Variants in TRIO observed in about 807,000 individuals in gnomAD.
The protein encoded by TRIO is triple functional domain protein.
In TRIO, 58 loss-of-function variants were observed where a neutral mutation model predicts 351.9. The ratio of observed to expected loss-of-function variants is 0.16; its 90% CI spans 0.13 to 0.21. The LOEUF (loss-of-function observed/expected upper bound fraction) is 0.21. Ranked by LOEUF, TRIO falls within the 10% of genes least tolerant of loss-of-function variation. The pLI, the probability that TRIO is intolerant of heterozygous loss-of-function variation, is 1.00. For missense variants in TRIO, 3,201 were observed against 4,027.8 expected (o/e 0.79, Z 5.56); for synonymous variants, 1,758 against 1,595.7 (o/e 1.10, Z -2.42).
intron 33 of TRIO, among the ~76,000 whole-genome samples, chr5:14,409,760 G>A (rs1285152863): frequency 2.6e-5 from 4 of 151,202 alleles, no homozygotes; most frequent in African/African-American, 9.8e-5. Context: ...GCATGAACCC[G>A]GGAGGCAGAG....
chr5:14,323,537 T>C (rs566712301), intron 9 of TRIO, among the ~76,000 whole-genome samples: 1 of 137,978 alleles, frequency 7.2e-6, no homozygotes, highest in Non-Finnish European at 1.6e-5. Flanking sequence ...GAGAGGAGTT[T>C]AGTCCTTTAG....
intron 8 of TRIO, 37 bp from the exon 9 acceptor site, chr5:14,316,476 C>G: frequency 6.2e-7 from 1 of 1,609,024 alleles, no homozygotes; most frequent in Non-Finnish European, 8.5e-7. Flanking sequence ...GGCCAAACCT[C>G]AGATCGTGAA....
chr5:14,388,571 C>T (rs576856822), intron 23 of TRIO, 42 bp from the exon 24 acceptor site: 18 of 1,568,518 alleles, frequency 1.1e-5, no homozygotes, highest in Non-Finnish European at 1.5e-5. Context: ...GTGAAGTAAG[C>T]TGCACCCTGA....
Position 14,487,674 on chromosome 5 carries a change from C to G in TRIO, c.7046C>G (p.Pro2349Arg). The G allele has an allele frequency of 2.8e-6, 4 of 1,408,792 alleles. No homozygotes were observed. The highest frequency in any genetic ancestry group is 3.7e-6 in the Non-Finnish European group (4 of 1,069,984). 87.3% of individuals were successfully genotyped at this position (1,408,792 alleles called of 1,614,324 possible). Residue 2349 changes from proline (P) to arginine (R), a missense_variant, in exon 48 of 57, where the codon CCC (proline) becomes CGC (arginine). Around this residue, in one of 19 missense-constraint regions of TRIO, gnomAD observed 1,089 missense variants for 954.9 expected, o/e 1.14. Transcript: ENST00000344204. ...ATCCCCCAGCCTGTCCGACACCACC[C>G]CCCCGTGCTGGTCTCCTCTGCAGCC... Reference protein sequence around the residue: ...SRIPQPVRHHPPVLVSSAASS... With the variant: ...SRIPQPVRHHRPVLVSSAASS...
At chr5:14,469,004 A>G (rs1374845296) in intron 37 of TRIO, among the ~76,000 whole-genome samples, 1 of 152,206 alleles carries the variant, frequency 6.6e-6, no homozygotes, top group Admixed American at 6.5e-5. Flanking sequence ...CATGTCGGCA[A>G]TAGAGTAATA....
intron 1 of TRIO, among the ~76,000 whole-genome samples, chr5:14,211,257 C>T (rs1791874350): frequency 6.6e-6 from 1 of 152,298 alleles, no homozygotes; most frequent in South Asian, 2.1e-4. Context: ...AAAGAATCAT[C>T]ATCTCAAAGA....
At position 14,484,722 on chromosome 5, in the gene TRIO, G is replaced by T. The variant is rs563979675; in HGVS notation, c.6658-347G>T. On this transcript the variant is annotated intron_variant, in intron 46 of 56. Coordinates refer to ENST00000344204, the MANE Select transcript of TRIO (RefSeq NM_007118.4). ...ATCTGTCTTCACAACTCTTCATCTT[G>T]CAGAGCTAAAGCCCTGTACCCATTA... 2.0e-5 allele frequency among the ~76,000 whole-genome samples: 3 copies of T among 152,176 alleles called. No individual in the cohort carries two copies. In the East Asian group the frequency reaches 5.8e-4, roughly 29 times the overall value.
chr5:14,276,596 G>A (rs1056751239), intron 2 of TRIO, among the ~76,000 whole-genome samples: 24 of 152,362 alleles, frequency 1.6e-4, no homozygotes, highest in African/African-American at 5.8e-4. Flanking sequence ...GTGTGAGTTA[G>A]ACTGTTCCTT....
chr5:14,476,926 A>G lies in TRIO; in HGVS notation c.6116A>G (p.Glu2039Gly). ...FFLGELEKCLEDPEKLGSLFV... is the reference protein window; with the variant it reads ...FFLGELEKCLGDPEKLGSLFV... ...TTAGGAGAGTTAGAGAAGTGCCTTG[A>G]AGATCCAGAAAAACTAGGATCCCTT... Residue 2039 changes from glutamate to glycine, a missense_variant, in exon 41 of 57, where the codon GAA becomes GGA. Coordinates refer to ENST00000344204, the MANE Select transcript of TRIO (RefSeq NM_007118.4). 1 of 1,614,078 alleles carries G rather than the reference A, an allele frequency of 6.2e-7. No individual in the cohort carries two copies. The highest frequency in any genetic ancestry group is 8.5e-7 in the Non-Finnish European group (1 of 1,179,978).
rs6894125 is a variant in TRIO at position 14,297,950 on chromosome 5, C to T, written c.1368+687C>T. Among the ~76,000 whole-genome samples, 1,078 of 152,278 alleles carry T rather than the reference C, an allele frequency of 7.1e-3. 17 individuals are homozygous for T. Among genetic ancestry groups the T allele is most frequent in the African/African-American group, 0.025 (1,039 of 41,540 alleles). On this transcript the variant is annotated intron_variant, in intron 7 of 56. Coordinates refer to ENST00000344204, the MANE Select transcript of TRIO (RefSeq NM_007118.4). ...AAGGGAAACATTATTTCCAGAGGCC[C>T]CGCCCCCAGCACATTTCCCCTCGGC... is the stretch of plus-strand genomic sequence containing the variant.
At chr5:14,406,975 AG>A (rs1255543890) in intron 33 of TRIO, among the ~76,000 whole-genome samples, 11 of 152,166 alleles carry the variant, frequency 7.2e-5, no homozygotes, top group Non-Finnish European at 1.6e-4. Flanking sequence ...ATTCCTAAGC[AG>A]AAGAACCTAT....
At chr5:14,184,716 C>T (rs1342604620) in intron 1 of TRIO, among the ~76,000 whole-genome samples, 1 of 152,062 alleles carries the variant, frequency 6.6e-6, no homozygotes, top group African/African-American at 2.4e-5. Context: ...CAGTACATAG[C>T]CTATGTAGTT....
In TRIO at chr5:14,401,072, C is replaced by G; in HGVS notation, c.4716+8C>G. The G allele has an allele frequency of 6.2e-7, 1 of 1,610,540 alleles. No individual in the cohort carries two copies. Among genetic ancestry groups the G allele is most frequent in the Non-Finnish European group, 8.5e-7 (1 of 1,177,396 alleles). On this transcript the variant is annotated splice_region_variant and intron_variant, in intron 31 of 56. Coordinates refer to ENST00000344204, the MANE Select transcript of TRIO (RefSeq NM_007118.4). ...AATAAAATTGTCCTTAAGGTACGTT[C>G]ATTTGAAGCTGGGAATGTGCTGTTT...
intron 11 of TRIO, among the ~76,000 whole-genome samples, chr5:14,356,512 C>T (rs942093626): frequency 3.9e-5 from 6 of 152,224 alleles, no homozygotes; most frequent in African/African-American, 1.4e-4. Flanking sequence ...TTGAAACTCT[C>T]ATACGCTGCT....
At chr5:14,505,697 A>G (rs1255838686) in intron 55 of TRIO, among the ~76,000 whole-genome samples, 1 of 152,106 alleles carries the variant, frequency 6.6e-6, no homozygotes, top group Non-Finnish European at 1.5e-5. Flanking sequence ...ATGGCCCCAC[A>G]TGCAGCCTTA....
intron 1 of TRIO, among the ~76,000 whole-genome samples, chr5:14,147,019 A>T (rs751299008): frequency 1.3e-5 from 2 of 152,202 alleles, no homozygotes; most frequent in Non-Finnish European, 2.9e-5. Context: ...AGTTGTAATA[A>T]TGTGAGTCAA....
At chr5:14,273,934 T>G (rs908355095) in intron 2 of TRIO, among the ~76,000 whole-genome samples, 1 of 152,226 alleles carries the variant, frequency 6.6e-6, no homozygotes, top group African/African-American at 2.4e-5. Flanking sequence ...CGTTGCCCAC[T>G]TCAGCAACTT....
intron 4 of TRIO, 57 bp from the exon 5 acceptor site, chr5:14,290,659 T>G (rs1736827309): frequency 6.6e-7 from 1 of 1,512,686 alleles, no homozygotes; most frequent in Non-Finnish European, 8.9e-7. Flanking sequence ...AATTGCATTA[T>G]GTTAAAACTA....
chr5:14,260,211 T>C (rs767206542), intron 1 of TRIO, among the ~76,000 whole-genome samples: 4 of 152,250 alleles, frequency 2.6e-5, no homozygotes, highest in Non-Finnish European at 5.9e-5. Context: ...GTGTCAGCGA[T>C]AGATACAGCA....
Sources: allele counts gnomAD v4.1 joint callset (sites outside exome capture counted in the v4.1 genomes callset), GRCh38; gene constraint gnomAD v4.1.1; regional missense constraint gnomAD v4.1.1; transcripts MANE v1.5; gene names NCBI Gene and HGNC (gene_info 2026-07-23, HGNC 2026-07-21).